The following OR2M3 variants were observed in gnomAD, a reference collection of about 807,000 sequenced individuals.
OR2M3 encodes the protein olfactory receptor family 2 subfamily M member 3.
Under a neutral mutation model 4.3 loss-of-function variants are expected in OR2M3, and 1 was observed. The observed-to-expected ratio is 0.23, with a 90% CI of 0.08 to 1.11. The LOEUF (loss-of-function observed/expected upper bound fraction) is 1.11. OR2M3 is among the 50% of genes most tolerant of loss of function. The pLI, the probability that OR2M3 is intolerant of heterozygous loss-of-function variation, is 0.54. For missense variants in OR2M3, 410 were observed against 390.4 expected, an observed-to-expected ratio of 1.05 and a Z score of -0.42; for synonymous variants, 151 against 139.4, an observed-to-expected ratio of 1.08 and a Z score of -0.59.
intron 1 of OR2M3, among the ~76,000 whole-genome samples, chr1:248,198,466 G>C (rs1412526606): frequency 3.3e-5 from 5 of 152,058 alleles, no homozygotes; most frequent in African/African-American, 1.2e-4. Flanking sequence ...GCTCATTTTT[G>C]CTAATATGAG....
chr1:248,206,266 C>T lies in OR2M3; in HGVS notation c.*2260C>T, dbSNP rs932978784. ...GCAAACAGCGACAGTTTTCCTTTCT[C>T]TTTACCATTTTGGATGTCCTTTATT... On this transcript the variant is annotated 3_prime_UTR_variant, in exon 2 of 2. Coordinates refer to ENST00000641626, the MANE Select transcript of OR2M3 (RefSeq NM_001004689.2). 1 of 152,046 alleles carries T rather than the reference C, an allele frequency of 6.6e-6. No individual in the cohort carries two copies. The highest frequency in any genetic ancestry group is 1.5e-5 in the Non-Finnish European group (1 of 67,956). 9.4% of individuals were successfully genotyped at this position (152,046 alleles called of 1,614,324 possible).
chr1:248,211,652 G>A lies in OR2M3; in HGVS notation c.*7646G>A, dbSNP rs1320290214. 6.6e-6 allele frequency: 1 copy of A among 151,874 alleles called. No homozygotes were observed. Among genetic ancestry groups the A allele is most frequent in the Non-Finnish European group, 1.5e-5 (1 of 68,020 alleles). The allele number at this position is 151,874 out of a possible 1,614,324, so 9.4% of individuals were successfully genotyped here. ...AATTCTCCCTGCCTCAGCCTCCCAA[G>A]TAGCTGAGACTACAGGGGCCTGCTA... On this transcript the variant is annotated 3_prime_UTR_variant, in exon 2 of 2. Transcript: ENST00000641626.
Position 248,210,503 on chromosome 1 carries a change from G to C in OR2M3, c.*6497G>C, listed in dbSNP as rs1666271639. ...TGACCTGCACGTATACATCCAGATG[G>C]CCTGAAGCAACTGAAGATCCACAAA... On this transcript the variant is annotated 3_prime_UTR_variant, in exon 2 of 2. Transcript: ENST00000641626. 1 of 169,562 alleles carries C rather than the reference G, an allele frequency of 5.9e-6. No individual in the cohort carries two copies. The highest frequency in any genetic ancestry group is 1.9e-4 in the South Asian group (1 of 5,312). 10.5% of individuals were successfully genotyped at this position (169,562 alleles called of 1,614,324 possible).
rs1252924739 is a variant in OR2M3, at chr1:248,209,101, G to T, written c.*5095G>T. On this transcript the variant is annotated 3_prime_UTR_variant, in exon 2 of 2. Coordinates refer to ENST00000641626, the MANE Select transcript of OR2M3 (RefSeq NM_001004689.2). ...CCGAGGTTCTTTCTTCTGCTCGTTG[G>T]ATTTTATTGGTGAGAATTTCCAGTG... 1 of 151,982 alleles carries T rather than the reference G, an allele frequency of 6.6e-6. No homozygotes were observed. Among genetic ancestry groups the T allele is most frequent in the African/African-American group, 2.4e-5 (1 of 41,374 alleles). 9.4% of individuals were successfully genotyped at this position (151,982 alleles called of 1,614,324 possible).
In OR2M3 at chr1:248,204,235, T is replaced by A. The variant is rs1666199646; in HGVS notation, c.*229T>A. ...GTCATTTCCAATAAGAATATTAAAG[T>A]TTTAAAAATTATTTTTAATTTCCAT... On this transcript the variant is annotated 3_prime_UTR_variant, in exon 2 of 2. Coordinates refer to ENST00000641626, the MANE Select transcript of OR2M3 (RefSeq NM_001004689.2). 1 of 385,470 alleles carries A rather than the reference T, an allele frequency of 2.6e-6. No homozygotes were observed. Among genetic ancestry groups the A allele is most frequent in the African/African-American group, 2.1e-5 (1 of 47,460 alleles). 23.9% of individuals were successfully genotyped at this position (385,470 alleles called of 1,614,324 possible).
At chr1:248,202,300 T>C (rs12024915) in intron 1 of OR2M3, among the ~76,000 whole-genome samples, 78,912 of 151,780 alleles carry the variant, frequency 0.52, 21,640 homozygotes, top group Non-Finnish European at 0.62. Flanking sequence ...TCTCAGTCTT[T>C]GCATGGCCAC....
rs1666248103 is a variant in OR2M3, at chr1:248,208,614, T to C, written c.*4608T>C. The C allele has an allele frequency of 2.6e-5, 4 of 152,190 alleles. No individual in the cohort carries two copies. Among genetic ancestry groups the C allele is most frequent in the African/African-American group, 9.7e-5 (4 of 41,448 alleles). 9.4% of individuals were successfully genotyped at this position (152,190 alleles called of 1,614,324 possible). Reference sequence around the variant, plus strand: ...CGCTGGATACAAAATTCTTAGCTAATAATTATTTTATTTAAGGAGGCTGAT... The same window carrying C: ...CGCTGGATACAAAATTCTTAGCTAACAATTATTTTATTTAAGGAGGCTGAT... On this transcript the variant is annotated 3_prime_UTR_variant, in exon 2 of 2. Transcript: ENST00000641626.
chr1:248,201,275 A>T (rs577664559), intron 1 of OR2M3, among the ~76,000 whole-genome samples: 49 of 152,072 alleles, frequency 3.2e-4, no homozygotes, highest in Non-Finnish European at 5.6e-4. Context: ...TATTTGGATA[A>T]CCCTTTCCTG....
chr1:248,206,799 G>A lies in OR2M3; in HGVS notation c.*2793G>A, dbSNP rs559982766. 6.6e-6 allele frequency: 1 copy of A among 152,074 alleles called. No homozygotes were observed. Among genetic ancestry groups the A allele is most frequent in the African/African-American group, 2.4e-5 (1 of 41,508 alleles). The allele number at this position is 152,074 out of a possible 1,614,324, so 9.4% of individuals were successfully genotyped here. A position where few individuals can be genotyped will look rare whatever the true frequency, so the allele number is the denominator to read the frequency against. ...TCTTTTTTTGTTATGTCTTTCACTG[G>A]TTTTGGTATTAGGGTGACAGTGGCT... On this transcript the variant is annotated 3_prime_UTR_variant, in exon 2 of 2. Transcript: ENST00000641626.
At position 248,208,910 on chromosome 1, in the gene OR2M3, C is replaced by CAA. The variant is rs994134514; in HGVS notation, c.*4906_*4907dup. 2 of 152,174 alleles carry CAA rather than the reference C, an allele frequency of 1.3e-5. No individual in the cohort carries two copies. Among genetic ancestry groups the CAA allele is most frequent in the African/African-American group, 4.8e-5 (2 of 41,444 alleles). The allele number at this position is 152,174 out of a possible 1,614,324, so 9.4% of individuals were successfully genotyped here. A position where few individuals can be genotyped will look rare whatever the true frequency, so the allele number is the denominator to read the frequency against. ...TAGTAATTTTCCTCTATTATTCCTT[C>CAA]AAATATATTTTCCAGACTTTTAGAT... On this transcript the variant is annotated 3_prime_UTR_variant, in exon 2 of 2. Coordinates refer to ENST00000641626, the MANE Select transcript of OR2M3 (RefSeq NM_001004689.2).
At chr1:248,198,177 C>G (rs1249643856) in intron 1 of OR2M3, among the ~76,000 whole-genome samples, 1 of 152,014 alleles carries the variant, frequency 6.6e-6, no homozygotes, top group Non-Finnish European at 1.5e-5. Flanking sequence ...ATTACCAGTG[C>G]CTTTGAAAAA....
rs188559589 is a variant in OR2M3 at position 248,205,910 on chromosome 1, C to T, written c.*1904C>T. 1.3e-5 allele frequency: 2 copies of T among 152,164 alleles called. No individual in the cohort carries two copies. Among genetic ancestry groups the T allele is most frequent in the Non-Finnish European group, 2.9e-5 (2 of 67,986 alleles). 9.4% of individuals were successfully genotyped at this position (152,164 alleles called of 1,614,324 possible). The stretch of plus-strand genomic sequence containing the variant: ...GGTCATTTTTACAATATTGTTTCTA[C>T]CCATCCATGAGTATGGGATGTATTT... On this transcript the variant is annotated 3_prime_UTR_variant, in exon 2 of 2. Transcript: ENST00000641626.
In OR2M3 at chr1:248,207,024, T is replaced by C. The variant is rs964741329; in HGVS notation, c.*3018T>C. The C allele has an allele frequency of 1.3e-5, 2 of 151,754 alleles. No homozygotes were observed. The highest frequency in any genetic ancestry group is 4.9e-5 in the African/African-American group (2 of 41,228). The allele number at this position is 151,754 out of a possible 1,614,324, so 9.4% of individuals were successfully genotyped here. On this transcript the variant is annotated 3_prime_UTR_variant, in exon 2 of 2. Transcript: ENST00000641626. ...CTGATCAGAGATTCTATATCTTCCT[T>C]TTTTAATCCAGGAGGGTTGTATAGT... is the stretch of plus-strand genomic sequence containing the variant.
chr1:248,203,966 C>T lies in OR2M3; in HGVS notation c.899C>T (p.Ala300Val). 1 of 1,613,868 alleles carries T rather than the reference C, an allele frequency of 6.2e-7. No homozygotes were observed. Among genetic ancestry groups the T allele is most frequent in the Non-Finnish European group, 8.5e-7 (1 of 1,179,892 alleles). ...YSLRNKEVTR[A>V]FMKILGKGKS... ...CTCCGCAACAAGGAGGTGACCAGAGCATTCATGAAGATCTTAGGAAAGGGC... is the reference window on the plus strand; with the variant it reads ...CTCCGCAACAAGGAGGTGACCAGAGTATTCATGAAGATCTTAGGAAAGGGC... The change falls in exon 2 of 2, where the codon GCA becomes GTA. Residue 300 changes from alanine to valine, a missense_variant. By Grantham distance (64) the Ala-to-Val change is moderately conservative. Coordinates refer to ENST00000641626, the MANE Select transcript of OR2M3 (RefSeq NM_001004689.2).
In OR2M3 at chr1:248,209,011, T is replaced by C. The variant is rs561817053; in HGVS notation, c.*5005T>C. 51 of 152,276 alleles carry C rather than the reference T, an allele frequency of 3.3e-4. No homozygotes were observed. The highest frequency in any genetic ancestry group is 1.2e-3 in the African/African-American group (49 of 41,558). The allele number at this position is 152,276 out of a possible 1,614,324, so 9.4% of individuals were successfully genotyped here. ...ATAGTATCAAACTTCTTGGAGGCTT[T>C]GTTTTTAGGTTTTTTTTCTTGTCTT... On this transcript the variant is annotated 3_prime_UTR_variant, in exon 2 of 2. Transcript: ENST00000641626.
chr1:248,203,831 C>G lies in OR2M3; in HGVS notation c.764C>G (p.Ala255Gly), dbSNP rs762949492. The change falls in exon 2 of 2, where the codon GCT becomes GGT. Residue 255 changes from alanine to glycine, a missense_variant. Ala to Gly is a moderately conservative substitution (Grantham distance 60). Coordinates refer to ENST00000641626, the MANE Select transcript of OR2M3 (RefSeq NM_001004689.2). Reference protein sequence around the residue: ...LLVVGMYYGAALFMYIRPTSD... With the variant: ...LLVVGMYYGAGLFMYIRPTSD... ...GTGGTGGGAATGTACTATGGAGCAG[C>G]TTTGTTCATGTACATACGGCCCACA... 49 of 1,613,412 alleles carry G rather than the reference C, an allele frequency of 3.0e-5. No individual in the cohort carries two copies. Among genetic ancestry groups the G allele is most frequent in the East Asian group, 1.3e-4 (6 of 44,866 alleles).
intron 1 of OR2M3, among the ~76,000 whole-genome samples, chr1:248,199,900 G>A (rs1330095602): frequency 6.6e-6 from 1 of 152,106 alleles, no homozygotes; most frequent in Admixed American, 6.6e-5. Flanking sequence ...TAATGTAACT[G>A]AGAAAATTCA....
Position 248,204,180 on chromosome 1 carries a change from A to G in OR2M3, c.*174A>G, listed in dbSNP as rs1666199125. 9.7e-6 allele frequency: 5 copies of G among 518,036 alleles called. No individual in the cohort carries two copies. In the South Asian group the frequency reaches 1.5e-4, roughly 16 times the overall value. The allele number at this position is 518,036 out of a possible 1,614,324, so 32.1% of individuals were successfully genotyped here. ...AACTATTATAACTATTTATTATTTT[A>G]TATTCATTTCTGCTATGACCACAAT... On this transcript the variant is annotated 3_prime_UTR_variant, in exon 2 of 2. Transcript: ENST00000641626.
rs908579497 is a variant in OR2M3 at position 248,211,925 on chromosome 1, G to C, written c.*7919G>C. ...TTATTTATATTATTGATTCACAAGA[G>C]AATCAAATTTTTCTAAAATTGGTCA... is the stretch of plus-strand genomic sequence containing the variant. On this transcript the variant is annotated 3_prime_UTR_variant, in exon 2 of 2. Coordinates refer to ENST00000641626, the MANE Select transcript of OR2M3 (RefSeq NM_001004689.2). The C allele has an allele frequency of 6.6e-6, 1 of 152,114 alleles. No individual in the cohort carries two copies. The highest frequency in any genetic ancestry group is 1.5e-5 in the Non-Finnish European group (1 of 68,024). 9.4% of individuals were successfully genotyped at this position (152,114 alleles called of 1,614,324 possible).
Sources: allele counts gnomAD v4.1 joint callset (sites outside exome capture counted in the v4.1 genomes callset), GRCh38; gene constraint gnomAD v4.1.1; transcripts MANE v1.5; gene names NCBI Gene and HGNC (gene_info 2026-07-23, HGNC 2026-07-21).